ARMH4: variants seen among roughly 807,000 people sequenced by gnomAD.
ARMH4 encodes the protein armadillo-like helical domain-containing protein 4.
In ARMH4, 49 loss-of-function variants were observed where a neutral mutation model predicts 61.9. That is an observed-to-expected ratio of 0.79 (90% CI 0.63 to 1.00). The LOEUF (loss-of-function observed/expected upper bound fraction) is 1.00, where lower values mean the gene tolerates loss of function less well. Among genes scored for constraint, ARMH4 ranks in the 50% least tolerant of loss-of-function variants. The probability of loss-of-function intolerance (pLI) is 0.00; values close to 1 mark genes in which losing one functional copy is unlikely to be tolerated. For missense variants in ARMH4, 934 were observed against 930.0 expected (o/e 1.00, Z -0.06); for synonymous variants, 368 against 341.5 (o/e 1.08, Z -0.85).
chr14:58,039,285 C>A (rs1374324778), intron 5 of ARMH4, among the ~76,000 whole-genome samples: 1 of 152,186 alleles, frequency 6.6e-6, no homozygotes, highest in African/African-American at 2.4e-5. Flanking sequence ...TCTCTTTATC[C>A]TTTCCAGGTG....
intron 5 of ARMH4, among the ~76,000 whole-genome samples, chr14:58,059,105 G>A (rs1042184650): frequency 6.6e-6 from 1 of 152,204 alleles, no homozygotes. Context: ...GACAGAGGTA[G>A]AAAGAGCAGA....
intron 4 of ARMH4, among the ~76,000 whole-genome samples, chr14:58,119,557 GA>G (rs1391116904): frequency 1.3e-5 from 2 of 152,140 alleles, no homozygotes; most frequent in African/African-American, 4.8e-5. Flanking sequence ...ACCACACATG[GA>G]AAGCCCTGCT....
At chr14:58,004,865 A>C (rs969224500) in intron 7 of ARMH4, 61 bp from the exon 8 acceptor site, 2 of 1,557,060 alleles carry the variant, frequency 1.3e-6, no homozygotes, top group African/African-American at 2.7e-5. Context: ...GCTGAGAAAC[A>C]GGCCCACTTT....
At chr14:58,136,473 T>C (rs1049605678) in intron 2 of ARMH4, among the ~76,000 whole-genome samples, 8 of 152,316 alleles carry the variant, frequency 5.3e-5, no homozygotes, top group Middle Eastern at 3.4e-3. Flanking sequence ...CAAGACATTT[T>C]ATGGAAGCTT....
chr14:58,124,838 C>T (rs1886844017), intron 4 of ARMH4, among the ~76,000 whole-genome samples: 1 of 152,150 alleles, frequency 6.6e-6, no homozygotes, highest in Non-Finnish European at 1.5e-5. Flanking sequence ...AAGTAATCCC[C>T]TCACTCCAGG....
At chr14:58,042,064 A>G (rs527495185) in intron 5 of ARMH4, among the ~76,000 whole-genome samples, 2,013 of 152,044 alleles carry the variant, frequency 0.013, 21 homozygotes, top group Non-Finnish European at 0.019. Context: ...AAGGATATCC[A>G]GGAATTGAAC....
chr14:58,046,994 G>T (rs538306073), intron 5 of ARMH4, among the ~76,000 whole-genome samples: 2 of 152,120 alleles, frequency 1.3e-5, no homozygotes, highest in Non-Finnish European at 2.9e-5. Context: ...CTAAAATGTG[G>T]CTATGTACTG....
chr14:58,067,766 C>T (rs1884751261), intron 5 of ARMH4, among the ~76,000 whole-genome samples: 1 of 152,164 alleles, frequency 6.6e-6, no homozygotes, highest in South Asian at 2.1e-4. Context: ...TGGATGAATA[C>T]TAACACCTGC....
chr14:58,029,337 G>A (rs199522222), intron 5 of ARMH4, among the ~76,000 whole-genome samples: 4 of 151,006 alleles, frequency 2.6e-5, no homozygotes, highest in East Asian at 3.9e-4. Flanking sequence ...AGGTTCAAGC[G>A]ATTCTCCTGC....
At chr14:58,013,713 C>A (rs1441693873) in intron 5 of ARMH4, among the ~76,000 whole-genome samples, 1 of 152,068 alleles carries the variant, frequency 6.6e-6, no homozygotes, top group Non-Finnish European at 1.5e-5. Flanking sequence ...TCAAGGGAAG[C>A]TAAGAGACTT....
intron 5 of ARMH4, among the ~76,000 whole-genome samples, chr14:58,023,537 C>T (rs1032898580): frequency 1.3e-5 from 2 of 152,098 alleles, no homozygotes; most frequent in African/African-American, 4.8e-5. Context: ...TCTTGAACCC[C>T]TCAACGTCAT....
At position 58,001,022 on chromosome 14, in the gene ARMH4, C is replaced by T. The variant is rs1242288393; in HGVS notation, c.*3714G>A. The T allele has an allele frequency of 6.6e-6, 1 of 152,216 alleles. No individual in the cohort carries two copies. The highest frequency in any genetic ancestry group is 2.4e-5 in the African/African-American group (1 of 41,464). 9.4% of individuals were successfully genotyped at this position (152,216 alleles called of 1,614,324 possible). A position where few individuals can be genotyped will look rare whatever the true frequency, so the allele number is the denominator to read the frequency against. On this transcript the variant is annotated 3_prime_UTR_variant, in exon 8 of 8. Transcript: ENST00000267485. Reference sequence around the variant, plus strand: ...TTAATCAACATCTCCCCACCTTTAACTTTGCCCAGCCCGTGGCAAGCACCA... The same window carrying T: ...TTAATCAACATCTCCCCACCTTTAATTTTGCCCAGCCCGTGGCAAGCACCA...
In ARMH4 at chr14:58,053,317, C is replaced by T. The variant is rs139981005; in HGVS notation, c.2090-41167G>A. On this transcript the variant is annotated intron_variant, in intron 5 of 7. Coordinates refer to ENST00000267485, the MANE Select transcript of ARMH4 (RefSeq NM_001001872.4). ...TCCATGGCACCCATGTGCTATTCCA[C>T]GGCACCCCATTGCTCACAGCATAAA... Among the ~76,000 whole-genome samples the T allele has an allele frequency of 3.3e-5, 5 of 152,322 alleles. No individual in the cohort carries two copies. In the East Asian group the frequency reaches 5.8e-4, roughly 18 times the overall value.
chr14:58,115,720 GAAT>G (rs1465112146), intron 4 of ARMH4, among the ~76,000 whole-genome samples: 2 of 152,104 alleles, frequency 1.3e-5, no homozygotes, highest in Admixed American at 1.3e-4. Context: ...ATACACCATG[GAAT>G]ACTATGCAGC....
At chr14:58,055,056 A>G (rs576597690) in intron 5 of ARMH4, among the ~76,000 whole-genome samples, 46 of 152,268 alleles carry the variant, frequency 3.0e-4, no homozygotes, top group African/African-American at 1.1e-3. Flanking sequence ...CTACGCTGCC[A>G]CTGCTAAATA....
At chr14:58,004,925 C>A in intron 7 of ARMH4, 121 bp from the exon 8 acceptor site, 3 of 1,533,204 alleles carry the variant, frequency 2.0e-6, no homozygotes, top group East Asian at 2.3e-5. Context: ...AGCAGCTAAT[C>A]CAGACCACTG....
intron 5 of ARMH4, among the ~76,000 whole-genome samples, chr14:58,068,008 G>C (rs923809778): frequency 2.6e-5 from 4 of 152,192 alleles, no homozygotes; most frequent in Admixed American, 2.0e-4. Context: ...CACCATTTAA[G>C]TGACCTGAAT....
At chr14:58,110,061 A>G (rs1886300180) in intron 4 of ARMH4, among the ~76,000 whole-genome samples, 2 of 152,140 alleles carry the variant, frequency 1.3e-5, no homozygotes, top group Non-Finnish European at 2.9e-5. Context: ...ATCACTTCCC[A>G]CTAAGTCCCC....
At chr14:58,105,847 A>T (rs1422094765) in intron 4 of ARMH4, among the ~76,000 whole-genome samples, 1 of 152,212 alleles carries the variant, frequency 6.6e-6, no homozygotes, top group East Asian at 1.9e-4. Context: ...CAGGAAAGGA[A>T]GATTCAGAGA....
Sources: gnomAD v4.1 joint callset for allele counts (sites outside exome capture counted in the v4.1 genomes callset) on GRCh38, gnomAD v4.1.1 for gene constraint, MANE v1.5 for transcripts, NCBI Gene and HGNC (gene_info 2026-07-23, HGNC 2026-07-21) for gene names.